CCDC6: variants seen among roughly 807,000 people sequenced by gnomAD.
The protein encoded by CCDC6 is coiled-coil domain containing 6.
CCDC6 carries 20 observed loss-of-function variants against 56.6 expected under a neutral mutation model. The ratio of observed to expected loss-of-function variants is 0.35; its 90% CI spans 0.25 to 0.51. The LOEUF is 0.51. Ranked by LOEUF, CCDC6 falls within the 20% of genes least tolerant of loss-of-function variation. The probability of loss-of-function intolerance (pLI) is 0.95; values close to 1 mark genes in which losing one functional copy is unlikely to be tolerated. For missense variants in CCDC6, 367 were observed against 601.1 expected (o/e 0.61, Z 4.07); for synonymous variants, 241 against 234.4 (o/e 1.03, Z -0.26).
chr10:59,806,075 T>C (rs2070620069), intron 6 of CCDC6, among the ~76,000 whole-genome samples: 1 of 152,188 alleles, frequency 6.6e-6, no homozygotes, highest in South Asian at 2.1e-4. Flanking sequence ...CCTCTCACAC[T>C]AAGATACCGC....
At chr10:59,854,283 T>C (rs2071062565) in intron 1 of CCDC6, among the ~76,000 whole-genome samples, 1 of 152,128 alleles carries the variant, frequency 6.6e-6, no homozygotes, top group Non-Finnish European at 1.5e-5. Flanking sequence ...ACGGTTTCTG[T>C]GGAGTCCACC....
intron 1 of CCDC6, among the ~76,000 whole-genome samples, chr10:59,872,274 T>C (rs1397625967): frequency 1.3e-5 from 2 of 152,362 alleles, no homozygotes; most frequent in Non-Finnish European, 2.9e-5. Context: ...ACAATGAACA[T>C]GCTTGAACAG....
At chr10:59,854,810 T>C (rs2071067850) in intron 1 of CCDC6, among the ~76,000 whole-genome samples, 1 of 152,244 alleles carries the variant, frequency 6.6e-6, no homozygotes, top group African/African-American at 2.4e-5. Context: ...CTATCCAAGC[T>C]ACTTGTTTTT....
At chr10:59,806,696 C>G in intron 6 of CCDC6, 1 of 459,798 alleles carries the variant, frequency 2.2e-6, no homozygotes. Context: ...CTCTCCCCAC[C>G]AAATGATTTT....
intron 2 of CCDC6, among the ~76,000 whole-genome samples, chr10:59,839,018 T>C (rs537069337): frequency 2.0e-5 from 3 of 152,372 alleles, no homozygotes; most frequent in Admixed American, 2.0e-4. Context: ...CAGCTACTTC[T>C]AAAGGCAGCT....
chr10:59,801,590 C>T (rs1244651614), intron 7 of CCDC6, among the ~76,000 whole-genome samples: 2 of 152,172 alleles, frequency 1.3e-5, no homozygotes, highest in African/African-American at 4.8e-5. Context: ...GCATATCCCA[C>T]ATTTAAGGAG....
At chr10:59,800,192 C>T (rs2070560624) in intron 7 of CCDC6, among the ~76,000 whole-genome samples, 1 of 152,186 alleles carries the variant, frequency 6.6e-6, no homozygotes, top group South Asian at 2.1e-4. Context: ...ATTGTCAAAA[C>T]CAGGAAATTG....
chr10:59,825,220 G>A (rs2070778203), intron 3 of CCDC6, among the ~76,000 whole-genome samples: 2 of 152,196 alleles, frequency 1.3e-5, no homozygotes. Flanking sequence ...GAGGGAACTG[G>A]TGGGAGATAA....
In CCDC6 at chr10:59,852,724, A is replaced by AAGAAC. The variant is rs765670855; in HGVS notation, c.304-27_304-23dup. The AAGAAC allele has an allele frequency of 4.6e-6, 7 of 1,512,224 alleles. No individual in the cohort carries two copies. The African/African-American group carries it at 1.0e-4, about 22-fold the overall frequency. The allele number at this position is 1,512,224 out of a possible 1,614,324, so 93.7% of individuals were successfully genotyped here. Reference sequence around the variant, plus strand: ...CTTGCTGTTTAAAAAAAAAAAAGGAAAGAACAAAACAAAACACATGTTAAG... The same window carrying AAGAAC: ...CTTGCTGTTTAAAAAAAAAAAAGGAAAGAACAGAACAAAACAAAACACATGTTAAG... On this transcript the variant is annotated intron_variant, in intron 1 of 8. Transcript: ENST00000263102.
intron 5 of CCDC6, among the ~76,000 whole-genome samples, chr10:59,807,882 G>A (rs766472270): frequency 2.0e-5 from 3 of 152,182 alleles, no homozygotes; most frequent in South Asian, 2.1e-4. Flanking sequence ...CACAGTGGTG[G>A]CGGCACACCA....
intron 1 of CCDC6, among the ~76,000 whole-genome samples, chr10:59,861,327 C>A (rs899118603): frequency 4.0e-5 from 6 of 150,898 alleles, no homozygotes; most frequent in African/African-American, 1.5e-4. Flanking sequence ...CCACTGCACT[C>A]TAGCCTGGGC....
chr10:59,839,831 C>T (rs1034931104), intron 2 of CCDC6, among the ~76,000 whole-genome samples: 1 of 152,072 alleles, frequency 6.6e-6, no homozygotes, highest in African/African-American at 2.4e-5. Flanking sequence ...CATTTCTTTT[C>T]ATTTATTTAT....
At chr10:59,832,733 A>G in intron 2 of CCDC6, 80 bp from the exon 3 acceptor site, 1 of 1,470,956 alleles carries the variant, frequency 6.8e-7, no homozygotes, top group South Asian at 1.2e-5. Flanking sequence ...AGGTGACTAT[A>G]CAAAGAAGCT....
chr10:59,853,813 G>T (rs573681089), intron 1 of CCDC6, among the ~76,000 whole-genome samples: 9 of 152,044 alleles, frequency 5.9e-5, no homozygotes, highest in African/African-American at 2.2e-4. Context: ...CTTTTTTGAA[G>T]GCATTATTCA....
chr10:59,847,898 G>A (rs1351411402), intron 2 of CCDC6, among the ~76,000 whole-genome samples: 5 of 138,966 alleles, frequency 3.6e-5, no homozygotes, highest in Admixed American at 3.1e-4. Flanking sequence ...TCACTAAAAC[G>A]TTAATAGGGA....
intron 1 of CCDC6, among the ~76,000 whole-genome samples, chr10:59,880,113 T>A (rs1403202874): frequency 1.3e-5 from 2 of 152,270 alleles, no homozygotes; most frequent in South Asian, 4.1e-4. Context: ...CTTTAAAAAA[T>A]ACCGAAGACA....
chr10:59,876,592 A>G (rs952554139), intron 1 of CCDC6, among the ~76,000 whole-genome samples: 31 of 99,116 alleles, frequency 3.1e-4, no homozygotes, highest in Middle Eastern at 4.9e-3. Context: ...TAAGGGGGAA[A>G]AAAAAAAAAA....
chr10:59,791,656 G>T lies in CCDC6; in HGVS notation c.*1261C>A. 4.8e-6 allele frequency: 1 copy of T among 208,424 alleles called. No homozygotes were observed. Among genetic ancestry groups the T allele is most frequent in the South Asian group, 1.9e-4 (1 of 5,322 alleles). The allele number at this position is 208,424 out of a possible 1,614,324, so 12.9% of individuals were successfully genotyped here. A position where few individuals can be genotyped will look rare whatever the true frequency, so the allele number is the denominator to read the frequency against. On this transcript the variant is annotated 3_prime_UTR_variant, in exon 9 of 9. Coordinates refer to ENST00000263102, the MANE Select transcript of CCDC6 (RefSeq NM_005436.5). ...CATATATAAATATGCAAACACAGGT[G>T]GTAAAAATCACTTTACTACCAAAGT...
At chr10:59,816,615 T>G (rs1468926720) in intron 3 of CCDC6, among the ~76,000 whole-genome samples, 3 of 152,232 alleles carry the variant, frequency 2.0e-5, no homozygotes, top group African/African-American at 7.2e-5. Flanking sequence ...CTCATTGGAT[T>G]ACAGTGAGCA....
Sources: allele counts gnomAD v4.1 joint callset (sites outside exome capture counted in the v4.1 genomes callset), GRCh38; gene constraint gnomAD v4.1.1; transcripts MANE v1.5; gene names NCBI Gene and HGNC (gene_info 2026-07-23, HGNC 2026-07-21).